STK10: variants seen among roughly 807,000 people sequenced by gnomAD.
STK10 encodes serine/threonine-protein kinase 10.
STK10 carries 78 observed loss-of-function variants against 113.8 expected under a neutral mutation model. The observed-to-expected ratio is 0.69, with a 90% confidence interval of 0.57 to 0.83. The LOEUF is 0.83. Ranked by LOEUF, STK10 falls within the 40% of genes least tolerant of loss-of-function variation. The probability of loss-of-function intolerance (pLI) is 0.00; values close to 1 mark genes in which losing one functional copy is unlikely to be tolerated. For synonymous variants in STK10, 465 were observed against 494.7 expected, an observed-to-expected ratio of 0.94 and a Z score of 0.80; for missense variants, 1,109 against 1,280.1, an observed-to-expected ratio of 0.87 and a Z score of 2.04.
At chr5:172,068,518 T>C (rs1212244977) in intron 12 of STK10, among the ~76,000 whole-genome samples, 2 of 152,070 alleles carry the variant, frequency 1.3e-5, no homozygotes, top group Non-Finnish European at 2.9e-5. Context: ...GTATCTTCAG[T>C]AAAAAAGAAA....
At chr5:172,045,486 A>C (rs1191560137) in intron 18 of STK10, 1 of 446,318 alleles carries the variant, frequency 2.2e-6, no homozygotes, top group Non-Finnish European at 4.5e-6. Context: ...TCCATCTCAA[A>C]AACAAAAACA....
Position 172,055,796 on chromosome 5 carries a change from G to C in STK10, c.2338-20C>G. 6 of 1,448,172 alleles carry C rather than the reference G, an allele frequency of 4.1e-6. No individual in the cohort carries two copies. Among genetic ancestry groups the C allele is most frequent in the Non-Finnish European group, 5.5e-6 (6 of 1,090,612 alleles). The allele number at this position is 1,448,172 out of a possible 1,614,324, so 89.7% of individuals were successfully genotyped here. A position where few individuals can be genotyped will look rare whatever the true frequency, so the allele number is the denominator to read the frequency against. On this transcript the variant is annotated intron_variant, in intron 15 of 18. Transcript: ENST00000176763. ...CCGCTCCTGGAGAGGAATATCCAGA[G>C]GGGCTGAGGGCAGCTGCACTCTGGA...
At chr5:172,091,705 A>C (rs900185803) in intron 9 of STK10, among the ~76,000 whole-genome samples, 2 of 151,730 alleles carry the variant, frequency 1.3e-5, no homozygotes, top group Non-Finnish European at 2.9e-5. Flanking sequence ...TAATTTTTTA[A>C]TTTTTTTAAG....
At chr5:172,077,174 T>A (rs1768327548) in intron 12 of STK10, among the ~76,000 whole-genome samples, 1 of 152,224 alleles carries the variant, frequency 6.6e-6, no homozygotes, top group Non-Finnish European at 1.5e-5. Flanking sequence ...CAGCTACGTG[T>A]CTTCAGAAAA....
At chr5:172,081,465 T>C (rs889173510) in intron 12 of STK10, among the ~76,000 whole-genome samples, 2 of 152,096 alleles carry the variant, frequency 1.3e-5, no homozygotes, top group South Asian at 2.1e-4. Flanking sequence ...TACTGAATAT[T>C]GACTGGCTTT....
At chr5:172,159,304 C>T (rs1350367083) in intron 1 of STK10, among the ~76,000 whole-genome samples, 2 of 152,106 alleles carry the variant, frequency 1.3e-5, no homozygotes, top group African/African-American at 4.8e-5. Context: ...TTTGGGAATC[C>T]GAGGCGGGTG....
chr5:172,093,388 C>A lies in STK10; in HGVS notation c.1554+24G>T. On this transcript the variant is annotated intron_variant, in intron 9 of 18. Transcript: ENST00000176763. This position sits in a 1 kb window ranked among gnomAD's most constrained non-coding sequence, Gnocchi z 4.1. ...ATCCTGCAATGGTCTTGCTGCAAGCCCGTGGTGGCAGAGGCGGTGTTACCT... is the reference window on the plus strand; with the variant it reads ...ATCCTGCAATGGTCTTGCTGCAAGCACGTGGTGGCAGAGGCGGTGTTACCT... The A allele has an allele frequency of 6.4e-7, 1 of 1,563,888 alleles. No homozygotes were observed. Among genetic ancestry groups the A allele is most frequent in the Non-Finnish European group, 8.7e-7 (1 of 1,150,076 alleles).
chr5:172,060,476 C>T (rs1767907960), intron 14 of STK10, among the ~76,000 whole-genome samples: 1 of 152,158 alleles, frequency 6.6e-6, no homozygotes, highest in African/African-American at 2.4e-5. Context: ...CCCAGAGACC[C>T]CAGAGCTAGT....
In STK10 at chr5:172,044,980, TCTC is replaced by T; in HGVS notation, c.2806_2808del (p.Glu936del). On this transcript the variant is annotated inframe_deletion, in exon 19 of 19. Transcript: ENST00000176763. The surrounding 1 kb of genome is among the most constrained non-coding windows in gnomAD (Gnocchi z 4.5). ...GCCTCCTCGCTCAGCTTGAAGAACA[TCTC>T]CTGCTCCCGCTTCTTCTGGTTCAGA... 1 of 1,614,134 alleles carries T rather than the reference TCTC, an allele frequency of 6.2e-7. No individual in the cohort carries two copies. Among genetic ancestry groups the T allele is most frequent in the Non-Finnish European group, 8.5e-7 (1 of 1,180,022 alleles).
chr5:172,056,860 C>CGA (rs1245925170), intron 15 of STK10, among the ~76,000 whole-genome samples: 2 of 140,400 alleles, frequency 1.4e-5, no homozygotes, highest in African/African-American at 5.4e-5. Context: ...AGTGAGAGAG[C>CGA]GACTCCATCT....
rs140471470 is a variant in STK10, at chr5:172,148,640, C to T, written c.321+7984G>A. On this transcript the variant is annotated intron_variant, in intron 2 of 18. Transcript: ENST00000176763. ...CGGCACAGGCCTCCTCACCACCAAGCCCTGCCAAAAAACATTCTGCCGGAC... is the reference window on the plus strand; with the variant it reads ...CGGCACAGGCCTCCTCACCACCAAGTCCTGCCAAAAAACATTCTGCCGGAC... Among the ~76,000 whole-genome samples, 11 of 152,236 alleles carry T rather than the reference C, an allele frequency of 7.2e-5. No individual in the cohort carries two copies. The East Asian group carries it at 1.6e-3, about 21-fold the overall frequency.
At position 172,187,850 on chromosome 5, in the gene STK10, T is replaced by A; in HGVS notation, c.156+37A>T. The A allele has an allele frequency of 6.2e-7, 1 of 1,605,486 alleles. No homozygotes were observed. The highest frequency in any genetic ancestry group is 8.5e-7 in the Non-Finnish European group (1 of 1,176,442). On this transcript the variant is annotated intron_variant, in intron 1 of 18. Transcript: ENST00000176763. The surrounding 1 kb of genome is among the most constrained non-coding windows in gnomAD (Gnocchi z 4.6). ...AGGCATCCCTTCCTTCCGGAGCCCCTCGACGCGCGTCCGGCCACCCACCTC... is the reference window on the plus strand; with the variant it reads ...AGGCATCCCTTCCTTCCGGAGCCCCACGACGCGCGTCCGGCCACCCACCTC...
At chr5:172,063,588 G>A (rs1174378881) in intron 13 of STK10, 1 of 152,282 alleles carries the variant, frequency 6.6e-6, no homozygotes, top group Non-Finnish European at 1.5e-5. Flanking sequence ...CCAATCTGCT[G>A]TCCCTCTGCG....
At chr5:172,108,957 G>C (rs922970568) in intron 4 of STK10, among the ~76,000 whole-genome samples, 1 of 151,954 alleles carries the variant, frequency 6.6e-6, no homozygotes, top group Non-Finnish European at 1.5e-5. Context: ...GCTAATTTTT[G>C]TATTTTTAGT....
chr5:172,048,312 C>G (rs1211725651), intron 18 of STK10, among the ~76,000 whole-genome samples: 1 of 151,976 alleles, frequency 6.6e-6, no homozygotes, highest in Admixed American at 6.6e-5. Flanking sequence ...AACTGGGTCT[C>G]CAGCCTGCTG....
At chr5:172,099,077 ACAT>A (rs1420811184) in intron 7 of STK10, among the ~76,000 whole-genome samples, 3 of 149,420 alleles carry the variant, frequency 2.0e-5, no homozygotes, top group Non-Finnish European at 4.4e-5. Flanking sequence ...ATCATTATCA[ACAT>A]CATCATCACG....
At chr5:172,124,914 T>C (rs1769589253) in intron 3 of STK10, among the ~76,000 whole-genome samples, 1 of 152,230 alleles carries the variant, frequency 6.6e-6, no homozygotes, top group African/African-American at 2.4e-5. Context: ...TAAATAGCAT[T>C]ACTTTTTGCA....
chr5:172,042,392 C>T lies in STK10; in HGVS notation c.*2490G>A, dbSNP rs1422087461. On this transcript the variant is annotated 3_prime_UTR_variant, in exon 19 of 19. Transcript: ENST00000176763. ...CCGCCAGTCCCCATCCAGAAAAGCACAGGGGAGCTCTGAGGGCTCAGGCGG... is the reference window on the plus strand; with the variant it reads ...CCGCCAGTCCCCATCCAGAAAAGCATAGGGGAGCTCTGAGGGCTCAGGCGG... 1 of 152,642 alleles carries T rather than the reference C, an allele frequency of 6.6e-6. No homozygotes were observed. The highest frequency in any genetic ancestry group is 6.5e-5 in the Admixed American group (1 of 15,270). 9.5% of individuals were successfully genotyped at this position (152,642 alleles called of 1,614,324 possible).
intron 2 of STK10, among the ~76,000 whole-genome samples, chr5:172,145,562 C>T (rs563712773): frequency 1.3e-5 from 2 of 152,324 alleles, no homozygotes; most frequent in South Asian, 2.1e-4. Context: ...CCAGCCTTCC[C>T]GGATTCATTA....
Sources: allele counts gnomAD v4.1 joint callset (sites outside exome capture counted in the v4.1 genomes callset), GRCh38; gene constraint gnomAD v4.1.1; non-coding constraint Gnocchi (gnomAD v3.1); transcripts MANE v1.5; gene names NCBI Gene and HGNC (gene_info 2026-07-23, HGNC 2026-07-21).